The following HDAC4 variants were observed in gnomAD, a reference collection of about 807,000 sequenced individuals.
The protein encoded by HDAC4 is histone deacetylase A.
A neutral mutation model predicts 135.1 loss-of-function variants in HDAC4; 16 were observed. The observed-to-expected ratio is 0.12, with a 90% confidence interval of 0.08 to 0.18. The LOEUF (loss-of-function observed/expected upper bound fraction) is 0.18, where lower values mean the gene tolerates loss of function less well. Ranked by LOEUF, HDAC4 falls within the 10% of genes least tolerant of loss-of-function variation. HDAC4 has a pLI of 1.00. For missense variants in HDAC4, 1,143 were observed against 1,511.8 expected, an observed-to-expected ratio of 0.76 and a Z score of 4.05; for synonymous variants, 685 against 653.4, an observed-to-expected ratio of 1.05 and a Z score of -0.74.
At chr2:239,190,631 G>A (rs145613201) in intron 3 of HDAC4, among the ~76,000 whole-genome samples, 3 of 152,310 alleles carry the variant, frequency 2.0e-5, no homozygotes, top group Non-Finnish European at 4.4e-5. Context: ...TTTCCATGGT[G>A]AGACAAGCGC....
intron 24 of HDAC4, among the ~76,000 whole-genome samples, chr2:239,061,073 C>G (rs764745839): frequency 6.6e-6 from 1 of 152,246 alleles, no homozygotes; most frequent in Non-Finnish European, 1.5e-5. Context: ...GGACCCTGTG[C>G]GCGCCACAAT....
chr2:239,175,226 G>C lies in HDAC4; in HGVS notation c.490+1187C>G, dbSNP rs1391497261. Among the ~76,000 whole-genome samples the C allele has an allele frequency of 1.3e-5, 2 of 152,234 alleles. 1 individual carries two copies. The highest frequency in any genetic ancestry group is 2.9e-5 in the Non-Finnish European group (2 of 68,046). ...TGACTGTCTGTGTCACTTAAAACAA[G>C]AAGTTGTCCATGGAAAGGATATAAA... On this transcript the variant is annotated intron_variant, in intron 5 of 26. Coordinates refer to ENST00000543185, the MANE Select transcript of HDAC4 (RefSeq NM_001378414.1).
rs189452621 is a variant in HDAC4, at chr2:239,342,243, C to T, written c.22+10435G>A. Among the ~76,000 whole-genome samples the T allele has an allele frequency of 7.9e-5, 12 of 151,804 alleles. No homozygotes were observed. The East Asian group carries it at 2.3e-3, about 29-fold the overall frequency. Reference sequence around the variant, plus strand: ...TTTAAAATTAAAAAAAAAAAACTGGCTCCAATCACAAAACTTCTTTTAGGG... The same window carrying T: ...TTTAAAATTAAAAAAAAAAAACTGGTTCCAATCACAAAACTTCTTTTAGGG... On this transcript the variant is annotated intron_variant, in intron 2 of 26. Transcript: ENST00000543185.
At position 239,331,187 on chromosome 2, in the gene HDAC4, T is replaced by C. The variant is rs1477196038; in HGVS notation, c.22+21491A>G. On this transcript the variant is annotated intron_variant, in intron 2 of 26. Coordinates refer to ENST00000543185, the MANE Select transcript of HDAC4 (RefSeq NM_001378414.1). The surrounding 1 kb of genome is among the most constrained non-coding windows in gnomAD (Gnocchi z 4.5). Reference sequence around the variant, plus strand: ...AAGCGCGGCCAGCACTGTCGTGACATTGATGGCACGAAACTCAACGTCCTG... The same window carrying C: ...AAGCGCGGCCAGCACTGTCGTGACACTGATGGCACGAAACTCAACGTCCTG... Among the ~76,000 whole-genome samples the C allele has an allele frequency of 1.3e-5, 2 of 152,140 alleles. No individual in the cohort carries two copies. The highest frequency in any genetic ancestry group is 2.9e-5 in the Non-Finnish European group (2 of 68,038).
intron 2 of HDAC4, among the ~76,000 whole-genome samples, chr2:239,297,378 A>AAGC (rs2125580297): frequency 6.6e-6 from 1 of 152,340 alleles, no homozygotes; most frequent in East Asian, 1.9e-4. Context: ...ACCTGTGGGC[A>AAGC]AGCCACAAAG....
chr2:239,372,426 C>A (rs1003816104), intron 1 of HDAC4, among the ~76,000 whole-genome samples: 1 of 152,272 alleles, frequency 6.6e-6, no homozygotes, highest in East Asian at 1.9e-4. Context: ...CACAGGTGAT[C>A]TCTGTCCCTG....
chr2:239,380,673 A>C (rs182984715), intron 1 of HDAC4, among the ~76,000 whole-genome samples: 64 of 152,356 alleles, frequency 4.2e-4, no homozygotes, highest in African/African-American at 1.5e-3. Flanking sequence ...AAATGGTTAC[A>C]ATGGTTAATT....
At chr2:239,249,336 G>A (rs2048648260) in intron 2 of HDAC4, among the ~76,000 whole-genome samples, 2 of 152,192 alleles carry the variant, frequency 1.3e-5, no homozygotes, top group Non-Finnish European at 2.9e-5. Context: ...GCGGAAGGCG[G>A]GGGAGGCGGA....
At chr2:239,129,301 C>A (rs1345609095) in intron 11 of HDAC4, among the ~76,000 whole-genome samples, 1 of 152,328 alleles carries the variant, frequency 6.6e-6, no homozygotes, top group Middle Eastern at 3.4e-3. Flanking sequence ...CAATTTGGAT[C>A]CCTGAGATCA....
chr2:239,186,506 C>T (rs149633985), intron 4 of HDAC4: 267 of 152,294 alleles, frequency 1.8e-3, no homozygotes, highest in African/African-American at 6.2e-3. Flanking sequence ...GATTAAAATG[C>T]AAAGAGAAAG....
At chr2:239,374,384 GGCTTTTTTTTTTT>G (rs1694846099) in intron 1 of HDAC4, among the ~76,000 whole-genome samples, 1 of 112,690 alleles carries the variant, frequency 8.9e-6, no homozygotes, top group East Asian at 2.6e-4. Context: ...TAGAAAACAA[GGCTTTTTTTTTTT>G]TTTTTTTTTT....
chr2:239,271,184 G>A (rs2050039190), intron 2 of HDAC4, among the ~76,000 whole-genome samples: 1 of 152,168 alleles, frequency 6.6e-6, no homozygotes, highest in Admixed American at 6.5e-5. Flanking sequence ...TGTGATCACG[G>A]CTCACTGCAG....
rs577984978 is a variant in HDAC4 at position 239,313,910 on chromosome 2, G to A, written c.22+38768C>T. Among the ~76,000 whole-genome samples, 25 of 152,236 alleles carry A rather than the reference G, an allele frequency of 1.6e-4. No individual in the cohort carries two copies. The highest frequency in any genetic ancestry group is 7.9e-4 in the Admixed American group (12 of 15,272). On this transcript the variant is annotated intron_variant, in intron 2 of 26. Coordinates refer to ENST00000543185, the MANE Select transcript of HDAC4 (RefSeq NM_001378414.1). This position sits in a 1 kb window ranked among gnomAD's most constrained non-coding sequence, Gnocchi z 5.1. ...CTGCACTGCCTCTTACCACTGCACC[G>A]TCCCTGTGAGTGTGCGTGGGGAGGG... is the stretch of plus-strand genomic sequence containing the variant.
At chr2:239,302,961 G>A (rs1200880398) in intron 2 of HDAC4, among the ~76,000 whole-genome samples, 1 of 152,236 alleles carries the variant, frequency 6.6e-6, no homozygotes, top group African/African-American at 2.4e-5. Context: ...CACCTTGGCA[G>A]GGAGAGGAAA....
At chr2:239,275,387 C>A (rs893636632) in intron 2 of HDAC4, among the ~76,000 whole-genome samples, 1 of 152,238 alleles carries the variant, frequency 6.6e-6, no homozygotes, top group African/African-American at 2.4e-5. Flanking sequence ...CACCCAGAAA[C>A]GGCAGGAGCC....
chr2:239,265,682 C>A (rs1442695642), intron 2 of HDAC4, among the ~76,000 whole-genome samples: 1 of 152,216 alleles, frequency 6.6e-6, no homozygotes, highest in Non-Finnish European at 1.5e-5. Flanking sequence ...ACACAGGCAC[C>A]CCACAAAGAC....
At chr2:239,085,819 T>G (rs536596140) in intron 19 of HDAC4, 35 of 147,226 alleles carry the variant, frequency 2.4e-4, no homozygotes, top group African/African-American at 8.5e-4. Flanking sequence ...GATCTGACTA[T>G]CTCTCACGTA....
rs1230473464 is a variant in HDAC4 at position 239,400,088 on chromosome 2, G to A, written c.-220+890C>T. Among the ~76,000 whole-genome samples, 1 of 152,026 alleles carries A rather than the reference G, an allele frequency of 6.6e-6. No homozygotes were observed. Among genetic ancestry groups the A allele is most frequent in the Non-Finnish European group, 1.5e-5 (1 of 67,982 alleles). ...GAGATAATTTGCTTATGATTCCGTG[G>A]TGTGTTTTCGCAACGCCGGCAAACG... On this transcript the variant is annotated intron_variant, in intron 1 of 26. Transcript: ENST00000543185. The surrounding 1 kb of genome is among the most constrained non-coding windows in gnomAD (Gnocchi z 4.7).
chr2:239,390,473 CAGTGAGTGGTGATTGTACTGT>C (rs1696123628), intron 1 of HDAC4, among the ~76,000 whole-genome samples: 1 of 152,152 alleles, frequency 6.6e-6, no homozygotes, highest in Admixed American at 6.5e-5. Context: ...ATCAAGGTTG[CAGTGAGTGGTGATTGTACTGT>C]AGTGAGTGGT....
Sources: gnomAD v4.1 joint callset for allele counts (sites outside exome capture counted in the v4.1 genomes callset) on GRCh38, gnomAD v4.1.1 for gene constraint, Gnocchi (gnomAD v3.1) non-coding constraint, MANE v1.5 for transcripts, NCBI Gene and HGNC (gene_info 2026-07-23, HGNC 2026-07-21) for gene names.